UBR1: variants seen among roughly 807,000 people sequenced by gnomAD.
The protein encoded by UBR1 is ubiquitin protein ligase E3 component n-recognin 1, also known as E3 ubiquitin-protein ligase UBR1.
Under a neutral mutation model 242.1 loss-of-function variants are expected in UBR1, and 102 were observed. That is an observed-to-expected ratio of 0.42 (90% CI 0.36 to 0.50). The LOEUF (loss-of-function observed/expected upper bound fraction) is 0.50. UBR1 is among the 20% of genes least tolerant of loss of function. The probability of loss-of-function intolerance (pLI) is 0.01; values close to 1 mark genes in which losing one functional copy is unlikely to be tolerated. For synonymous variants in UBR1, 675 were observed against 684.8 expected, an observed-to-expected ratio of 0.99 and a Z score of 0.22; for missense variants, 1,772 against 2,101.8, an observed-to-expected ratio of 0.84 and a Z score of 3.07.
intron 1 of UBR1, 34 bp downstream of exon 1, chr15:43,105,908 G>T (rs772172046): frequency 1.9e-6 from 3 of 1,602,100 alleles, no homozygotes; most frequent in Non-Finnish European, 2.6e-6. Context: ...GGGACCGGGG[G>T]GAGGACAAAA....
intron 44 of UBR1, 60 bp downstream of exon 44, chr15:42,957,953 C>T: frequency 1.4e-6 from 2 of 1,386,026 alleles, no homozygotes; most frequent in Non-Finnish European, 2.0e-6. Flanking sequence ...TGGCATATAC[C>T]AATTGCGAGT....
intron 38 of UBR1, 34 bp downstream of exon 38, chr15:42,977,845 CA>C: frequency 6.6e-7 from 1 of 1,525,342 alleles, no homozygotes; most frequent in Non-Finnish European, 9.1e-7. Context: ...AAATTATCAA[CA>C]TGAGTGACTT....
rs1567151806 is a variant in UBR1 at position 43,096,567 on chromosome 15, TTCTTTCA to T, written c.81+9368_81+9374del. ...GATAGCATGTTACCAATGGCAGAAC[TTCTTTCA>T]AAACTGGAGTCAATCCTTGCCAACT... On this transcript the variant is annotated intron_variant, in intron 1 of 46. Coordinates refer to ENST00000290650, the MANE Select transcript of UBR1 (RefSeq NM_174916.3). Among the ~76,000 whole-genome samples the T allele has an allele frequency of 3.3e-5, 5 of 152,228 alleles. No homozygotes were observed. The South Asian group carries it at 8.3e-4, about 25-fold the overall frequency.
At chr15:43,010,381 T>G (rs1419098808) in intron 29 of UBR1, among the ~76,000 whole-genome samples, 1 of 151,164 alleles carries the variant, frequency 6.6e-6, no homozygotes, top group Non-Finnish European at 1.5e-5. Flanking sequence ...GCTTGTTTTG[T>G]ATATAAGAAC....
intron 35 of UBR1, 126 bp from the exon 36 acceptor site, chr15:42,985,068 G>T: frequency 2.4e-6 from 2 of 824,328 alleles, no homozygotes; most frequent in Non-Finnish European, 3.6e-6. Context: ...CCCCTTCAAA[G>T]TCTTGTGTTT....
At chr15:42,959,476 T>C (rs1161890781) in intron 43 of UBR1, among the ~76,000 whole-genome samples, 5 of 152,240 alleles carry the variant, frequency 3.3e-5, no homozygotes, top group Non-Finnish European at 5.9e-5. Context: ...CATACATCAT[T>C]ATACTTTATG....
intron 36 of UBR1, 152 bp from the exon 37 acceptor site, chr15:42,984,145 T>G: frequency 2.0e-6 from 1 of 511,774 alleles, no homozygotes; most frequent in East Asian, 3.2e-5. Context: ...AATTACAATA[T>G]TCTTAATACC....
chr15:43,047,129 A>G, intron 14 of UBR1, 32 bp downstream of exon 14: 1 of 1,613,278 alleles, frequency 6.2e-7, no homozygotes, highest in Non-Finnish European at 8.5e-7. Context: ...GAACTTAAAA[A>G]GGCACTGATC....
chr15:43,039,961 G>C (rs1176843818), intron 15 of UBR1, among the ~76,000 whole-genome samples: 1 of 152,038 alleles, frequency 6.6e-6, no homozygotes, highest in Admixed American at 6.6e-5. Flanking sequence ...CTTTGGTTCT[G>C]TTTATATGCT....
chr15:43,033,640 C>CG (rs2141314057), intron 19 of UBR1, among the ~76,000 whole-genome samples: 1 of 152,008 alleles, frequency 6.6e-6, no homozygotes, highest in Admixed American at 6.5e-5. Context: ...GGCGACAGAG[C>CG]GAGACTTCGT....
At chr15:43,075,803 C>T (rs1031076486) in intron 3 of UBR1, among the ~76,000 whole-genome samples, 2 of 151,678 alleles carry the variant, frequency 1.3e-5, no homozygotes, top group African/African-American at 4.9e-5. Context: ...TTAGTAGAGA[C>T]GGGGTTTCTC....
At chr15:43,027,499 AAG>A (rs2033193115) in intron 22 of UBR1, among the ~76,000 whole-genome samples, 1 of 152,302 alleles carries the variant, frequency 6.6e-6, no homozygotes, top group South Asian at 2.1e-4. Flanking sequence ...ATTAATGGGA[AAG>A]AGAGTATCAG....
At chr15:43,087,463 G>T (rs1160561748) in intron 1 of UBR1, among the ~76,000 whole-genome samples, 2 of 152,102 alleles carry the variant, frequency 1.3e-5, no homozygotes, top group South Asian at 2.1e-4. Context: ...TCCATAACAG[G>T]TCATTAAGGA....
intron 16 of UBR1, 31 bp downstream of exon 16, chr15:43,038,140 A>G (rs752763660): frequency 1.9e-6 from 3 of 1,609,500 alleles, no homozygotes; most frequent in Non-Finnish European, 2.6e-6. Flanking sequence ...AACAGAATAT[A>G]AGCAAATCAA....
At chr15:43,008,315 G>T (rs150243176) in intron 29 of UBR1, among the ~76,000 whole-genome samples, 1 of 152,378 alleles carries the variant, frequency 6.6e-6, no homozygotes, top group East Asian at 1.9e-4. Context: ...GAGCCTCTCC[G>T]CACTCCCAAT....
chr15:43,039,384 G>A (rs1196163109), intron 15 of UBR1, among the ~76,000 whole-genome samples: 1 of 152,118 alleles, frequency 6.6e-6, no homozygotes, highest in African/African-American at 2.4e-5. Flanking sequence ...TCCTTGAAGA[G>A]GTCCTTCACA....
chr15:43,083,490 C>T (rs12914014), intron 2 of UBR1, among the ~76,000 whole-genome samples: 11,074 of 151,982 alleles, frequency 0.073, 600 homozygotes, highest in Non-Finnish European at 0.11. Flanking sequence ...AAGTGATTCT[C>T]GAACCTCAGC....
chr15:42,988,129 T>C (rs1044999707), intron 35 of UBR1, among the ~76,000 whole-genome samples: 5 of 152,206 alleles, frequency 3.3e-5, no homozygotes, highest in African/African-American at 1.2e-4. Flanking sequence ...TAGGTGACTT[T>C]GGTTTCCCCT....
chr15:43,025,314 T>G (rs1484139393), intron 24 of UBR1, 67 bp downstream of exon 24: 1 of 1,479,478 alleles, frequency 6.8e-7, no homozygotes, highest in East Asian at 2.3e-5. Context: ...CAAAAAACTA[T>G]ATGCTTTGCT....
Sources: gnomAD v4.1 joint callset for allele counts (sites outside exome capture counted in the v4.1 genomes callset) on GRCh38, gnomAD v4.1.1 for gene constraint, MANE v1.5 for transcripts, NCBI Gene and HGNC (gene_info 2026-07-23, HGNC 2026-07-21) for gene names.